The following NANS variants were observed in gnomAD, a reference collection of about 807,000 sequenced individuals.
NANS encodes N-acetylneuraminate synthase.
Under a neutral mutation model 33.3 loss-of-function variants are expected in NANS, and 29 were observed. The ratio of observed to expected loss-of-function variants is 0.87; its 90% CI spans 0.65 to 1.19. The LOEUF is 1.19. Ranked by LOEUF, NANS falls within the 50% of genes most tolerant of loss-of-function variation. NANS has a pLI of 0.00. For missense variants in NANS, 394 were observed against 461.1 expected (o/e 0.85, Z 1.33); for synonymous variants, 163 against 177.2 (o/e 0.92, Z 0.64).
chr9:98,060,702 C>A, intron 1 of NANS, 80 bp from the exon 2 acceptor site: 1 of 1,259,706 alleles, frequency 7.9e-7, no homozygotes, highest in Non-Finnish European at 1.2e-6. Context: ...ATGGTGATGT[C>A]ATAGTGGTTG....
chr9:98,078,783 C>T (rs944007323), intron 4 of NANS, among the ~76,000 whole-genome samples: 52 of 143,932 alleles, frequency 3.6e-4, no homozygotes, highest in African/African-American at 1.2e-3. Flanking sequence ...TGCAGTGAGC[C>T]GAGATTGCAC....
chr9:98,061,888 A>T (rs1424037239), intron 2 of NANS, among the ~76,000 whole-genome samples: 2 of 151,856 alleles, frequency 1.3e-5, no homozygotes, highest in African/African-American at 4.8e-5. Context: ...AGCTGTAGGG[A>T]CACCCCAGCT....
At chr9:98,078,745 G>C (rs1004367864) in intron 4 of NANS, among the ~76,000 whole-genome samples, 2 of 149,398 alleles carry the variant, frequency 1.3e-5, no homozygotes, top group Non-Finnish European at 3.0e-5. Flanking sequence ...TGAGGCAGGA[G>C]AATCGCTTGA....
chr9:98,058,846 T>G (rs981981345), intron 1 of NANS, among the ~76,000 whole-genome samples: 1 of 152,162 alleles, frequency 6.6e-6, no homozygotes, highest in African/African-American at 2.4e-5. Context: ...GCAACTTTAG[T>G]CAGGTCAGTC....
intron 2 of NANS, among the ~76,000 whole-genome samples, chr9:98,064,585 T>G (rs1829080993): frequency 1.3e-5 from 2 of 152,188 alleles, no homozygotes; most frequent in Non-Finnish European, 2.9e-5. Context: ...TACACATTAT[T>G]GTTTATGAAG....
At chr9:98,073,307 C>T (rs1281525079) in intron 2 of NANS, among the ~76,000 whole-genome samples, 3 of 91,120 alleles carry the variant, frequency 3.3e-5, no homozygotes, top group Non-Finnish European at 6.1e-5. Context: ...TTTTTTGAGA[C>T]GGAGTCTTGC....
At chr9:98,059,545 G>T (rs989433288) in intron 1 of NANS, among the ~76,000 whole-genome samples, 6 of 152,122 alleles carry the variant, frequency 3.9e-5, no homozygotes, top group African/African-American at 1.4e-4. Flanking sequence ...CTCCTGAGTA[G>T]CTGGGACTAC....
intron 2 of NANS, among the ~76,000 whole-genome samples, chr9:98,062,083 G>T (rs1031280564): frequency 6.6e-6 from 1 of 151,924 alleles, no homozygotes; most frequent in African/African-American, 2.4e-5. Context: ...TTAGCCAGGC[G>T]TGGTGGCGTA....
At chr9:98,079,686 G>A (rs565269427) in intron 4 of NANS, among the ~76,000 whole-genome samples, 45 of 152,230 alleles carry the variant, frequency 3.0e-4, no homozygotes, top group African/African-American at 1.1e-3. Context: ...TTTAGTAGAC[G>A]TGACCCCAGC....
At chr9:98,078,735 T>TGAGGCAGGAGAATCGCTTG (rs1829707198) in intron 4 of NANS, among the ~76,000 whole-genome samples, 3 of 149,944 alleles carry the variant, frequency 2.0e-5, no homozygotes, top group Non-Finnish European at 2.9e-5. Flanking sequence ...CTCAGGAGGC[T>TGAGGCAGGAGAATCGCTTG]GAGGCAGGAG....
At chr9:98,064,551 C>T (rs1354372605) in intron 2 of NANS, among the ~76,000 whole-genome samples, 3 of 152,126 alleles carry the variant, frequency 2.0e-5, no homozygotes, top group Non-Finnish European at 2.9e-5. Flanking sequence ...CCACCGCACC[C>T]GCCCTAATTC....
chr9:98,078,770 G>T lies in NANS; in HGVS notation c.603+423G>T, dbSNP rs192985437. Among the ~76,000 whole-genome samples, 213 of 150,686 alleles carry T rather than the reference G, an allele frequency of 1.4e-3. 1 individual carries two copies. Among genetic ancestry groups the T allele is most frequent in the Non-Finnish European group, 8.3e-4 (56 of 67,802 alleles). On this transcript the variant is annotated intron_variant, in intron 4 of 5. Coordinates refer to ENST00000210444, the MANE Select transcript of NANS (RefSeq NM_018946.4). ...GAATCGCTTGAATTCAGGAGGCAGA[G>T]GTTGCAGTGAGCCGAGATTGCACCA...
At chr9:98,074,715 C>G (rs1829502741) in intron 2 of NANS, 1 of 152,128 alleles carries the variant, frequency 6.6e-6, no homozygotes, top group Admixed American at 6.6e-5. Flanking sequence ...TTTTTCTGCA[C>G]TTGTCCCCCC....
chr9:98,060,976 C>A lies in NANS; in HGVS notation c.327C>A (p.Phe109Leu). 1 of 1,613,904 alleles carries A rather than the reference C, an allele frequency of 6.2e-7. No homozygotes were observed. Among genetic ancestry groups the A allele is most frequent in the Non-Finnish European group, 8.5e-7 (1 of 1,180,042 alleles). ...ACGCCGAGGAGGTTGGGATCTTCTT[C>A]ACTGCCTCTGGCATGGATGAGGTGA... ...QRYAEEVGIF[F>L]TASGMDEMAV... Residue 109 changes from phenylalanine (F) to leucine (L), a missense_variant, in exon 2 of 6, where the codon TTC becomes TTA. Coordinates refer to ENST00000210444, the MANE Select transcript of NANS (RefSeq NM_018946.4).
chr9:98,074,755 T>C (rs554888548), intron 2 of NANS: 171 of 152,066 alleles, frequency 1.1e-3, no homozygotes, highest in African/African-American at 4.0e-3. Flanking sequence ...GCCCCTCTCT[T>C]GGGGGGGTTT....
At chr9:98,063,868 C>T (rs530862103) in intron 2 of NANS, among the ~76,000 whole-genome samples, 1 of 150,426 alleles carries the variant, frequency 6.6e-6, no homozygotes, top group East Asian at 1.9e-4. Context: ...ATAAGTAGTG[C>T]TGAGATAGAC....
intron 2 of NANS, among the ~76,000 whole-genome samples, chr9:98,070,106 A>T (rs1343366907): frequency 6.6e-6 from 1 of 152,108 alleles, no homozygotes; most frequent in Non-Finnish European, 1.5e-5. Context: ...TTAAGAAAAG[A>T]TTCCTCTATT....
At chr9:98,060,358 T>C (rs953829626) in intron 1 of NANS, among the ~76,000 whole-genome samples, 3 of 152,154 alleles carry the variant, frequency 2.0e-5, no homozygotes, top group Non-Finnish European at 2.9e-5. Context: ...TCTCTGTCAG[T>C]CTATGTTGTT....
chr9:98,070,537 C>T (rs964594277), intron 2 of NANS, among the ~76,000 whole-genome samples: 1 of 152,150 alleles, frequency 6.6e-6, no homozygotes, highest in African/African-American at 2.4e-5. Flanking sequence ...TCTTGTGCCT[C>T]AGCCTCCTGA....
Sources: gnomAD v4.1 joint callset for allele counts (sites outside exome capture counted in the v4.1 genomes callset) on GRCh38, gnomAD v4.1.1 for gene constraint, MANE v1.5 for transcripts, NCBI Gene and HGNC (gene_info 2026-07-23, HGNC 2026-07-21) for gene names.